Variants in PTPRN2 observed in about 807,000 individuals in gnomAD.
PTPRN2 encodes the protein protein tyrosine phosphatase receptor type N2.
A neutral mutation model predicts 118.8 loss-of-function variants in PTPRN2; 74 were observed. The ratio of observed to expected loss-of-function variants is 0.62; its 90% CI spans 0.52 to 0.76. The LOEUF (loss-of-function observed/expected upper bound fraction) is 0.76. Among genes scored for constraint, PTPRN2 ranks in the 30% least tolerant of loss-of-function variants. The pLI is 0.00. For synonymous variants in PTPRN2, 641 were observed against 608.0 expected (o/e 1.05, Z -0.80); for missense variants, 1,481 against 1,394.4 (o/e 1.06, Z -0.99).
chr7:158,268,783 A>AGC (rs1228683248), intron 3 of PTPRN2, among the ~76,000 whole-genome samples: 4,794 of 107,970 alleles, frequency 0.044, 819 homozygotes, highest in African/African-American at 0.069. Context: ...TCCCAGCCGC[A>AGC]CACACACAGG....
At chr7:158,431,600 C>G (rs574045212) in intron 2 of PTPRN2, among the ~76,000 whole-genome samples, 1 of 148,914 alleles carries the variant, frequency 6.7e-6, no homozygotes, top group East Asian at 2.0e-4. Flanking sequence ...CTGGCTCACA[C>G]TGGCCACACA....
At chr7:158,404,012 C>T (rs183897752) in intron 2 of PTPRN2, among the ~76,000 whole-genome samples, 79 of 152,322 alleles carry the variant, frequency 5.2e-4, no homozygotes, top group African/African-American at 1.8e-3. Context: ...TTAGGACAGA[C>T]ACAAAAATGA....
intron 14 of PTPRN2, among the ~76,000 whole-genome samples, chr7:157,642,844 A>AAAAAAAAAAAAAAAT (rs1804783647): frequency 7.2e-6 from 1 of 139,844 alleles, no homozygotes; most frequent in Non-Finnish European, 1.5e-5. Context: ...AAAAAAAAAA[A>AAAAAAAAAAAAAAAT]GCAGCTAAAA....
intron 3 of PTPRN2, among the ~76,000 whole-genome samples, chr7:158,246,783 G>T (rs192656576): frequency 2.8e-4 from 43 of 152,066 alleles, no homozygotes; most frequent in African/African-American, 9.2e-4. Context: ...CCCCAGGCGT[G>T]TGCTTCCCAT....
intron 3 of PTPRN2, among the ~76,000 whole-genome samples, chr7:158,301,964 C>T (rs1292622233): frequency 1.3e-5 from 2 of 152,128 alleles, no homozygotes; most frequent in African/African-American, 4.8e-5. Context: ...AAAGCAATCC[C>T]CTGTCCCATG....
In PTPRN2 at chr7:158,126,361, G is replaced by T. The variant is rs575096330; in HGVS notation, c.1556+7316C>A. Among the ~76,000 whole-genome samples the T allele has an allele frequency of 1.4e-4, 7 of 48,964 alleles. 1 individual carries two copies. The highest frequency in any genetic ancestry group is 5.9e-4 in the African/African-American group (7 of 11,912). 32.1% of individuals were successfully genotyped at this position (48,964 alleles called of 152,430 possible). On this transcript the variant is annotated intron_variant, in intron 9 of 22. Coordinates refer to ENST00000389418, the MANE Select transcript of PTPRN2 (RefSeq NM_002847.5). ...ACTTCCTCTCCGCCACACCATCCCC[G>T]GAGAGCGGGCGGCGGAACTTCCTCT...
intron 1 of PTPRN2, among the ~76,000 whole-genome samples, chr7:158,569,103 G>A (rs1360865731): frequency 6.6e-6 from 1 of 152,224 alleles, no homozygotes; most frequent in Non-Finnish European, 1.5e-5. Flanking sequence ...CTCCAGCCTG[G>A]GCGACAGAGC....
intron 13 of PTPRN2, among the ~76,000 whole-genome samples, chr7:157,673,377 C>T (rs191793102): frequency 1.3e-5 from 2 of 152,310 alleles, no homozygotes; most frequent in African/African-American, 2.4e-5. Context: ...GCCACGGAGA[C>T]GTTACATTTT....
intron 17 of PTPRN2, among the ~76,000 whole-genome samples, chr7:157,582,354 A>G (rs753111232): frequency 6.6e-6 from 1 of 152,182 alleles, no homozygotes; most frequent in Non-Finnish European, 1.5e-5. Flanking sequence ...CTGAGCACAC[A>G]TTTCTCCAAA....
chr7:158,372,282 G>A (rs143546721), intron 2 of PTPRN2, among the ~76,000 whole-genome samples: 1 of 146,476 alleles, frequency 6.8e-6, no homozygotes, highest in African/African-American at 2.6e-5. Context: ...TCCCCCCAAC[G>A]CTGGTCCCCG....
intron 11 of PTPRN2, among the ~76,000 whole-genome samples, chr7:157,959,242 A>C (rs1286402342): frequency 6.6e-6 from 1 of 152,274 alleles, no homozygotes; most frequent in Non-Finnish European, 1.5e-5. Context: ...TGAATTTACA[A>C]GATGAAACTA....
Position 157,640,599 on chromosome 7 carries a change from A to G in PTPRN2, c.2196+15758T>C, listed in dbSNP as rs191262550. On this transcript the variant is annotated intron_variant, in intron 14 of 22. Coordinates refer to ENST00000389418, the MANE Select transcript of PTPRN2 (RefSeq NM_002847.5). ...AAATAAGTCCTTACCAAGACAGGACACAAGGAAACTCCAAAACAGTAAAGG... is the reference window on the plus strand; with the variant it reads ...AAATAAGTCCTTACCAAGACAGGACGCAAGGAAACTCCAAAACAGTAAAGG... 1.1e-3 allele frequency among the ~76,000 whole-genome samples: 165 copies of G among 152,362 alleles called. 1 individual carries two copies. The highest frequency in any genetic ancestry group is 9.1e-3 in the Admixed American group (139 of 15,312).
intron 12 of PTPRN2, among the ~76,000 whole-genome samples, chr7:157,871,663 G>T (rs937695533): frequency 2.6e-5 from 4 of 151,754 alleles, no homozygotes; most frequent in African/African-American, 9.7e-5. Context: ...TTTTTGGAGG[G>T]ATTTTTTCCT....
At chr7:157,970,003 G>A (rs899332107) in intron 11 of PTPRN2, among the ~76,000 whole-genome samples, 1 of 152,082 alleles carries the variant, frequency 6.6e-6, no homozygotes, top group East Asian at 1.9e-4. Flanking sequence ...CAGGTGAGAG[G>A]ATGAGTCCAG....
chr7:157,689,462 C>T (rs1373765888), intron 12 of PTPRN2, among the ~76,000 whole-genome samples: 1 of 152,190 alleles, frequency 6.6e-6, no homozygotes, highest in Non-Finnish European at 1.5e-5. Context: ...CTCTCCCAGC[C>T]GTCCAGCCCG....
At chr7:158,268,823 C>T (rs977593172) in intron 3 of PTPRN2, among the ~76,000 whole-genome samples, 1 of 138,480 alleles carries the variant, frequency 7.2e-6, no homozygotes, top group Non-Finnish European at 1.5e-5. Flanking sequence ...GCCGCACGCA[C>T]ACAGGGTGGG....
intron 11 of PTPRN2, among the ~76,000 whole-genome samples, chr7:158,019,753 C>T (rs1224185006): frequency 6.6e-6 from 1 of 151,054 alleles, no homozygotes; most frequent in Non-Finnish European, 1.5e-5. Context: ...CATCTGCAGG[C>T]CTGGCTGTGC....
chr7:157,623,381 G>A (rs1341066986), intron 14 of PTPRN2, among the ~76,000 whole-genome samples: 1 of 152,116 alleles, frequency 6.6e-6, no homozygotes, highest in African/African-American at 2.4e-5. Context: ...AATGGTTCCT[G>A]GCAAAATCAT....
At chr7:157,864,788 C>A (rs1180667009) in intron 12 of PTPRN2, 1 of 152,280 alleles carries the variant, frequency 6.6e-6, no homozygotes, top group African/African-American at 2.4e-5. Flanking sequence ...TTGTCTGAGA[C>A]CCAGGTTTGG....
Sources: allele counts gnomAD v4.1 joint callset (sites outside exome capture counted in the v4.1 genomes callset), GRCh38; gene constraint gnomAD v4.1.1; transcripts MANE v1.5; gene names NCBI Gene and HGNC (gene_info 2026-07-23, HGNC 2026-07-21).